NCF4: variants seen among roughly 807,000 people sequenced by gnomAD.
The protein encoded by NCF4 is neutrophil cytosol factor 4.
In NCF4, 30 loss-of-function variants were observed where a neutral mutation model predicts 41.7. The ratio of observed to expected loss-of-function variants is 0.72; its 90% CI spans 0.54 to 0.97. The LOEUF (loss-of-function observed/expected upper bound fraction) is 0.97, where lower values mean the gene tolerates loss of function less well. NCF4 is among the 50% of genes least tolerant of loss of function. The pLI, the probability that NCF4 is intolerant of heterozygous loss-of-function variation, is 0.00. For missense variants in NCF4, 432 were observed against 460.9 expected (o/e 0.94, Z 0.57); for synonymous variants, 195 against 175.8 (o/e 1.11, Z -0.87).
At chr22:36,877,537 TGGCTTCAG>T (rs1018217744) in intron 9 of NCF4, 83 bp from the exon 10 acceptor site, 2 of 1,365,544 alleles carry the variant, frequency 1.5e-6, no homozygotes, top group African/African-American at 2.9e-5. Flanking sequence ...TTCTTACTCC[TGGCTTCAG>T]GACATAAAAC....
chr22:36,875,613 C>G (rs779464605), intron 7 of NCF4, 40 bp from the exon 8 acceptor site: 5 of 1,589,856 alleles, frequency 3.1e-6, no homozygotes, highest in Non-Finnish European at 8.6e-7. Flanking sequence ...TCTGCTGCCT[C>G]TCCTCTCACC....
At chr22:36,863,983 C>T (rs1389770650) in intron 1 of NCF4, 62 bp from the exon 2 acceptor site, 39 of 1,478,996 alleles carry the variant, frequency 2.6e-5, no homozygotes, top group Middle Eastern at 1.7e-4. Context: ...ACCTCATACC[C>T]GGTGGGCCCA....
Position 36,872,316 on chromosome 22 carries a change from C to G in NCF4, c.529-11C>G, listed in dbSNP as rs1601553422. ...TCTCTCCTTCCCTCCTTACTGCACG[C>G]TTCTCCTCAGGCTCTATTTGACTTC... On this transcript the variant is annotated splice_polypyrimidine_tract_variant and intron_variant, in intron 6 of 9. Transcript: ENST00000248899. The G allele has an allele frequency of 1.9e-6, 3 of 1,580,382 alleles. No individual in the cohort carries two copies. In the East Asian group the frequency reaches 6.7e-5, roughly 35 times the overall value.
chr22:36,863,986 T>C, intron 1 of NCF4, 59 bp from the exon 2 acceptor site: 1 of 1,496,496 alleles, frequency 6.7e-7, no homozygotes, highest in Non-Finnish European at 9.3e-7. Flanking sequence ...TCATACCCGG[T>C]GGGCCCACAA....
intron 4 of NCF4, among the ~76,000 whole-genome samples, chr22:36,868,176 G>C (rs1939972834): frequency 6.6e-6 from 1 of 152,242 alleles, no homozygotes; most frequent in African/African-American, 2.4e-5. Context: ...ACCGTCGCTA[G>C]AGACCTGATA....
chr22:36,861,150 C>T lies in NCF4; in HGVS notation c.-22C>T, dbSNP rs1331493665. ...CTGGCTGGGCGAGACTCTCCACCTG[C>T]TCCCTGGGACCATCGCCCACCATGG... On this transcript the variant is annotated 5_prime_UTR_variant, in exon 1 of 10. Transcript: ENST00000248899. The T allele has an allele frequency of 2.6e-6, 4 of 1,551,476 alleles. No individual in the cohort carries two copies. In the Admixed American group the frequency reaches 5.9e-5, roughly 23 times the overall value.
At chr22:36,861,910 C>T (rs377308943) in intron 1 of NCF4, among the ~76,000 whole-genome samples, 12 of 152,154 alleles carry the variant, frequency 7.9e-5, no homozygotes, top group East Asian at 7.7e-4. Flanking sequence ...ATCTTTGAGA[C>T]GGAAAAGGTC....
At position 36,871,720 on chromosome 22, in the gene NCF4, C is replaced by A. The variant is rs375032114; in HGVS notation, c.528+11C>A. On this transcript the variant is annotated intron_variant, in intron 6 of 9. Coordinates refer to ENST00000248899, the MANE Select transcript of NCF4 (RefSeq NM_000631.5). ...GCTCCGAGAGCAGAGGTAACCCCCG[C>A]CCCCACGCTGGCCAGGCTCTCACAC... 603 of 1,556,802 alleles carry A rather than the reference C, an allele frequency of 3.9e-4. No homozygotes were observed. Among genetic ancestry groups the A allele is most frequent in the Non-Finnish European group, 4.8e-4 (551 of 1,149,688 alleles).
At chr22:36,873,601 C>T (rs1006509282) in intron 7 of NCF4, among the ~76,000 whole-genome samples, 32 of 152,118 alleles carry the variant, frequency 2.1e-4, no homozygotes, top group African/African-American at 7.7e-4. Context: ...ATTCTTGGAG[C>T]TCATGCTTTG....
At chr22:36,871,375 T>C (rs1321596740) in intron 5 of NCF4, among the ~76,000 whole-genome samples, 3 of 152,208 alleles carry the variant, frequency 2.0e-5, no homozygotes, top group African/African-American at 7.2e-5. Context: ...CTTTGGCAAG[T>C]GAAAGGCACC....
intron 5 of NCF4, among the ~76,000 whole-genome samples, chr22:36,871,374 G>A (rs1384490080): frequency 6.6e-6 from 1 of 152,226 alleles, no homozygotes; most frequent in Non-Finnish European, 1.5e-5. Flanking sequence ...ACTTTGGCAA[G>A]TGAAAGGCAC....
chr22:36,861,379 G>A (rs1348902691), intron 1 of NCF4, among the ~76,000 whole-genome samples, 176 bp downstream of exon 1: 2 of 152,228 alleles, frequency 1.3e-5, no homozygotes, highest in East Asian at 1.9e-4. Context: ...TTGAGCTGTG[G>A]CTCACCACCC....
intron 2 of NCF4, 125 bp from the exon 3 acceptor site, chr22:36,864,794 A>C: frequency 2.6e-6 from 3 of 1,175,092 alleles, no homozygotes; most frequent in Non-Finnish European, 3.7e-6. Context: ...CTCCTTCTCC[A>C]GAGACCCTTC....
At chr22:36,861,387 C>A (rs1601543824) in intron 1 of NCF4, among the ~76,000 whole-genome samples, 184 bp downstream of exon 1, 1 of 152,224 alleles carries the variant, frequency 6.6e-6, no homozygotes, top group African/African-American at 2.4e-5. Flanking sequence ...TGGCTCACCA[C>A]CCTCAGACAC....
At chr22:36,862,075 T>C (rs1206547342) in intron 1 of NCF4, among the ~76,000 whole-genome samples, 1 of 152,020 alleles carries the variant, frequency 6.6e-6, no homozygotes, top group Admixed American at 6.5e-5. Flanking sequence ...TTGGGAAGCA[T>C]TTTCAGAATT....
intron 7 of NCF4, among the ~76,000 whole-genome samples, chr22:36,873,101 A>G (rs943157622): frequency 3.3e-5 from 5 of 150,562 alleles, no homozygotes; most frequent in South Asian, 2.1e-4. Context: ...ATTGGAGGTG[A>G]GGATGGAGGT....
At chr22:36,870,173 G>A (rs1233912951) in intron 4 of NCF4, 1 of 575,712 alleles carries the variant, frequency 1.7e-6, no homozygotes, top group Non-Finnish European at 3.1e-6. Context: ...TTTTCCAAAT[G>A]GACTCTTCTC....
At chr22:36,862,815 G>A (rs933618942) in intron 1 of NCF4, among the ~76,000 whole-genome samples, 10 of 152,316 alleles carry the variant, frequency 6.6e-5, no homozygotes, top group Non-Finnish European at 1.5e-4. Context: ...GGCTGCCTTA[G>A]GGGTGGCAAG....
At chr22:36,867,880 C>T (rs1939965783) in intron 4 of NCF4, among the ~76,000 whole-genome samples, 1 of 152,198 alleles carries the variant, frequency 6.6e-6, no homozygotes, top group African/African-American at 2.4e-5. Context: ...TGTGGCCAAG[C>T]AGGCCGCAGG....
Sources: gnomAD v4.1 joint callset for allele counts (sites outside exome capture counted in the v4.1 genomes callset) on GRCh38, gnomAD v4.1.1 for gene constraint, MANE v1.5 for transcripts, NCBI Gene and HGNC (gene_info 2026-07-23, HGNC 2026-07-21) for gene names.